Variants in AFF1 observed in about 807,000 individuals in gnomAD.
AFF1 encodes ALF transcription elongation factor 1, also known as AF4/FMR2 family member 1.
Under a neutral mutation model 121.7 loss-of-function variants are expected in AFF1, and 48 were observed. The observed-to-expected ratio is 0.39, with a 90% CI of 0.31 to 0.50. AFF1 has a LOEUF of 0.50. AFF1 is among the 20% of genes least tolerant of loss of function. The probability of loss-of-function intolerance (pLI) is 0.76; values close to 1 mark genes in which losing one functional copy is unlikely to be tolerated. For synonymous variants in AFF1, 613 were observed against 563.0 expected, an observed-to-expected ratio of 1.09 and a Z score of -1.26; for missense variants, 1,523 against 1,511.7, an observed-to-expected ratio of 1.01 and a Z score of -0.12.
intron 4 of AFF1, among the ~76,000 whole-genome samples, chr4:87,058,509 C>T (rs916562574): frequency 1.3e-5 from 2 of 152,090 alleles, no homozygotes; most frequent in Non-Finnish European, 2.9e-5. Context: ...TTTCTACCTA[C>T]AGTGCCACCC....
At chr4:86,949,593 G>A in intron 2 of AFF1, 1 of 1,165,562 alleles carries the variant, frequency 8.6e-7, no homozygotes, top group Non-Finnish European at 1.2e-6. Context: ...CCGGGTGCTG[G>A]AGAGCTGTGG....
chr4:87,097,878 G>T (rs1725023925), intron 8 of AFF1, among the ~76,000 whole-genome samples: 1 of 152,148 alleles, frequency 6.6e-6, no homozygotes, highest in Non-Finnish European at 1.5e-5. Context: ...ATTTTGTGTG[G>T]CAAATCTCTT....
chr4:87,014,003 A>G (rs1486587042), intron 2 of AFF1, among the ~76,000 whole-genome samples: 1 of 152,148 alleles, frequency 6.6e-6, no homozygotes, highest in African/African-American at 2.4e-5. Flanking sequence ...ATGCTTATAA[A>G]TACACATTTT....
Position 87,115,082 on chromosome 4 carries a change from T to C in AFF1, c.2249T>C (p.Leu750Ser). The change falls in exon 12 of 21, where the codon TTG becomes TCG. Residue 750 changes from leucine to serine, a missense_variant. Physicochemically the swap from Leu to Ser is moderately radical, Grantham distance 145 (BLOSUM62 -2). Around this residue, in one of 5 missense-constraint regions of AFF1, gnomAD observed 905 missense variants for 842.5 expected, o/e 1.07. Coordinates refer to ENST00000395146, the MANE Select transcript of AFF1 (RefSeq NM_001166693.3). ...CGCAAAGACAGACTCCCATTGCCTT[T>C]GAGAGACACCAAGCTGCTCTCACCG... Reference protein sequence around the residue: ...DSRKDRLPLPLRDTKLLSPLR... With the variant: ...DSRKDRLPLPSRDTKLLSPLR... 6.2e-7 allele frequency: 1 copy of C among 1,614,168 alleles called. No homozygotes were observed. The highest frequency in any genetic ancestry group is 8.5e-7 in the Non-Finnish European group (1 of 1,180,032).
At chr4:87,045,727 A>G (rs929481992) in intron 2 of AFF1, among the ~76,000 whole-genome samples, 1 of 152,132 alleles carries the variant, frequency 6.6e-6, no homozygotes, top group Non-Finnish European at 1.5e-5. Context: ...TTAATCTTTC[A>G]AAATGTACGC....
chr4:86,990,171 T>C lies in AFF1; in HGVS notation c.38+41600T>C, dbSNP rs1364184914. ...ATGTATTCCAGAACTTAAATTATAATAATAATAATAATAATAATAGACTGA... is the reference window on the plus strand; with the variant it reads ...ATGTATTCCAGAACTTAAATTATAACAATAATAATAATAATAATAGACTGA... On this transcript the variant is annotated intron_variant, in intron 2 of 20. Coordinates refer to ENST00000395146, the MANE Select transcript of AFF1 (RefSeq NM_001166693.3). Among the ~76,000 whole-genome samples, 3 of 150,706 alleles carry C rather than the reference T, an allele frequency of 2.0e-5. No homozygotes were observed. The Admixed American group carries it at 2.0e-4, about 10-fold the overall frequency.
intron 2 of AFF1, chr4:86,950,159 C>T: frequency 7.0e-7 from 1 of 1,437,956 alleles, no homozygotes; most frequent in Non-Finnish European, 9.8e-7. Context: ...AAGGCAGATG[C>T]TGCCCATGTC....
intron 2 of AFF1, among the ~76,000 whole-genome samples, chr4:87,022,543 GATATATATAT>G (rs1156817444): frequency 0.01 from 821 of 80,172 alleles, 20 homozygotes; most frequent in African/African-American, 0.031. Flanking sequence ...CGTGCTTACA[GATATATATAT>G]ATATATATAT....
intron 12 of AFF1, among the ~76,000 whole-genome samples, chr4:87,115,672 C>T (rs889899721): frequency 2.5e-5 from 3 of 120,030 alleles, no homozygotes; most frequent in Non-Finnish European, 4.8e-5. Flanking sequence ...TGCAGTGGTG[C>T]GATCTTGGCT....
chr4:87,017,766 G>A (rs544302404), intron 2 of AFF1, among the ~76,000 whole-genome samples: 5 of 152,294 alleles, frequency 3.3e-5, no homozygotes, highest in East Asian at 3.9e-4. Flanking sequence ...CTTGGGTCCT[G>A]CCTGGGGAAG....
intron 11 of AFF1, among the ~76,000 whole-genome samples, chr4:87,109,301 C>T (rs1488742940): frequency 1.3e-5 from 2 of 152,278 alleles, no homozygotes; most frequent in African/African-American, 2.4e-5. Flanking sequence ...TGTAGGGAGA[C>T]TTAAGGGTCT....
intron 1 of AFF1, among the ~76,000 whole-genome samples, chr4:86,937,410 A>C (rs903335193): frequency 6.6e-6 from 1 of 152,222 alleles, no homozygotes; most frequent in Non-Finnish European, 1.5e-5. Context: ...AGACTATATC[A>C]AAACTAGCTG....
Position 86,944,675 on chromosome 4 carries a change from T to TAGC in AFF1, c.-36-3823_-36-3822insAGC, listed in dbSNP as rs746122919. On this transcript the variant is annotated intron_variant, in intron 1 of 20. Coordinates refer to ENST00000395146, the MANE Select transcript of AFF1 (RefSeq NM_001166693.3). Reference sequence around the variant, plus strand: ...TATAGCTAGTTGCAAAGCAGGTCTTTTACCAGCATGTGGTAAAGACTCTTG... The same window carrying TAGC: ...TATAGCTAGTTGCAAAGCAGGTCTTTAGCTACCAGCATGTGGTAAAGACTCTTG... Among the ~76,000 whole-genome samples, 302 of 152,280 alleles carry TAGC rather than the reference T, an allele frequency of 2.0e-3. 1 individual carries two copies. The highest frequency in any genetic ancestry group is 3.4e-3 in the Non-Finnish European group (232 of 68,024).
chr4:87,036,853 G>A lies in AFF1; in HGVS notation c.39-9313G>A, dbSNP rs565966696. 3.2e-5 allele frequency: 15 copies of A among 468,016 alleles called. No homozygotes were observed. The East Asian group carries it at 8.2e-4, about 26-fold the overall frequency. The allele number at this position is 468,016 out of a possible 1,614,324, so 29.0% of individuals were successfully genotyped here. ...CCTCCCCCATCCCCCCTTTTTTTGA[G>A]ACGGCTTCTTGCTCCATCGCTGAGG... On this transcript the variant is annotated intron_variant, in intron 2 of 20. Coordinates refer to ENST00000395146, the MANE Select transcript of AFF1 (RefSeq NM_001166693.3).
intron 4 of AFF1, among the ~76,000 whole-genome samples, chr4:87,060,835 C>CAAAAAAAAAAAAAAAAAAAAAAA (rs749186199): frequency 2.1e-4 from 13 of 62,284 alleles, no homozygotes; most frequent in Non-Finnish European, 3.8e-4. Flanking sequence ...GACTCTGTCT[C>CAAAAAAAAAAAAAAAAAAAAAAA]AAAAAAAAAA....
At chr4:87,065,962 A>G (rs1721310792) in intron 4 of AFF1, among the ~76,000 whole-genome samples, 2 of 152,226 alleles carry the variant, frequency 1.3e-5, no homozygotes, top group African/African-American at 2.4e-5. Flanking sequence ...ATTTTTAACT[A>G]TGCCAGCAGG....
intron 4 of AFF1, among the ~76,000 whole-genome samples, chr4:87,065,602 A>C (rs1272755183): frequency 1.3e-5 from 2 of 152,180 alleles, no homozygotes; most frequent in Non-Finnish European, 2.9e-5. Flanking sequence ...GTAGTATAGA[A>C]ATGACCGAAG....
chr4:86,987,814 A>G (rs1381033642), intron 2 of AFF1, among the ~76,000 whole-genome samples: 8 of 151,996 alleles, frequency 5.3e-5, no homozygotes, highest in South Asian at 2.1e-4. Flanking sequence ...TTAGCTGGGC[A>G]TGGTGGCACA....
rs148910265 is a variant in AFF1, at chr4:86,947,268, C to T, written c.-36-1230C>T. On this transcript the variant is annotated intron_variant, in intron 1 of 20. Transcript: ENST00000395146. ...TGTGAGTTTAACTAGAATATTTTAA[C>T]ATCCATGCTGCAATCTTTTGAGAGA... Among the ~76,000 whole-genome samples the T allele has an allele frequency of 9.0e-3, 1,373 of 152,272 alleles. 23 individuals carry two copies. The highest frequency in any genetic ancestry group is 0.028 in the Admixed American group (422 of 15,298).
Sources: gnomAD v4.1 joint callset for allele counts (sites outside exome capture counted in the v4.1 genomes callset) on GRCh38, gnomAD v4.1.1 for gene constraint, gnomAD v4.1.1 regional missense constraint, MANE v1.5 for transcripts, NCBI Gene and HGNC (gene_info 2026-07-23, HGNC 2026-07-21) for gene names.